Variants in ELMO1 observed in about 807,000 individuals in gnomAD.
ELMO1 encodes engulfment and cell motility 1.
Under a neutral mutation model 98.9 loss-of-function variants are expected in ELMO1, and 26 were observed. The observed-to-expected ratio is 0.26, with a 90% CI of 0.19 to 0.36. The LOEUF is 0.36. Ranked by LOEUF, ELMO1 falls within the 10% of genes least tolerant of loss-of-function variation. The pLI is 1.00. For missense variants in ELMO1, 627 were observed against 935.2 expected (o/e 0.67, Z 4.30); for synonymous variants, 346 against 346.0 (o/e 1.00, Z 0.00).
intron 1 of ELMO1, among the ~76,000 whole-genome samples, chr7:37,375,068 G>A (rs992850396): frequency 3.9e-5 from 6 of 152,002 alleles, no homozygotes; most frequent in African/African-American, 1.4e-4. Flanking sequence ...AAAAAAAGAA[G>A]AAAAGAAAGA....
At chr7:36,988,359 G>T (rs142285363) in intron 16 of ELMO1, among the ~76,000 whole-genome samples, 238 of 152,250 alleles carry the variant, frequency 1.6e-3, no homozygotes, top group African/African-American at 5.3e-3. Context: ...CAAATCCTCA[G>T]TTTATGCCAA....
intron 4 of ELMO1, among the ~76,000 whole-genome samples, chr7:37,274,156 T>C (rs556376471): frequency 2.0e-5 from 3 of 152,318 alleles, no homozygotes; most frequent in East Asian, 1.9e-4. Flanking sequence ...CAGGCTGAGA[T>C]AGGAGCTGGG....
intron 16 of ELMO1, among the ~76,000 whole-genome samples, chr7:36,939,826 G>A (rs1371880250): frequency 6.6e-6 from 1 of 152,220 alleles, no homozygotes; most frequent in Non-Finnish European, 1.5e-5. Flanking sequence ...CTGGCCGGAG[G>A]CATGCGTGGA....
At chr7:37,399,182 C>G (rs1803419954) in intron 1 of ELMO1, among the ~76,000 whole-genome samples, 1 of 152,186 alleles carries the variant, frequency 6.6e-6, no homozygotes, top group Non-Finnish European at 1.5e-5. Context: ...CCTGCCCAGG[C>G]TCTGCCAGGA....
intron 13 of ELMO1, among the ~76,000 whole-genome samples, chr7:37,190,165 A>T (rs1791480474): frequency 6.6e-6 from 1 of 152,234 alleles, no homozygotes; most frequent in African/African-American, 2.4e-5. Context: ...AGTGATAAAA[A>T]GTTTAGGAAG....
At chr7:37,010,580 A>G (rs932916274) in intron 16 of ELMO1, among the ~76,000 whole-genome samples, 11 of 152,358 alleles carry the variant, frequency 7.2e-5, no homozygotes, top group Non-Finnish European at 1.5e-4. Flanking sequence ...GAAGGACATA[A>G]GCCAAGGAAT....
intron 1 of ELMO1, among the ~76,000 whole-genome samples, chr7:37,370,538 A>C (rs1334285429): frequency 6.6e-6 from 1 of 152,224 alleles, no homozygotes; most frequent in East Asian, 1.9e-4. Context: ...GATAATGAAC[A>C]AAGATTTAGT....
Position 36,853,909 on chromosome 7 carries a change from C to T in ELMO1, c.*1642G>A, listed in dbSNP as rs1417610514. On this transcript the variant is annotated 3_prime_UTR_variant, in exon 22 of 22. Coordinates refer to ENST00000310758, the MANE Select transcript of ELMO1 (RefSeq NM_014800.11). The stretch of plus-strand genomic sequence containing the variant: ...CTCTGACCTATAATTTATTAACCCA[C>T]GGTTAGATTTATTTAGTTCTGGCTT... 1.3e-5 allele frequency among the ~76,000 whole-genome samples: 2 copies of T among 152,138 alleles called. No individual in the cohort carries two copies. The highest frequency in any genetic ancestry group is 1.9e-4 in the East Asian group (1 of 5,196).
intron 15 of ELMO1, among the ~76,000 whole-genome samples, chr7:37,025,097 T>C (rs1794492067): frequency 6.6e-6 from 1 of 152,172 alleles, no homozygotes; most frequent in African/African-American, 2.4e-5. Context: ...TTGAAAACAA[T>C]CAAGATGTGC....
intron 1 of ELMO1, among the ~76,000 whole-genome samples, chr7:37,448,463 C>A (rs899646471): frequency 6.6e-6 from 1 of 152,104 alleles, no homozygotes; most frequent in African/African-American, 2.4e-5. Flanking sequence ...CTGCAGAGCG[C>A]CCCGACGCGC....
At chr7:37,285,077 T>G (rs1039727584) in intron 4 of ELMO1, among the ~76,000 whole-genome samples, 1 of 152,216 alleles carries the variant, frequency 6.6e-6, no homozygotes, top group African/African-American at 2.4e-5. Flanking sequence ...ACGTCTATAG[T>G]GCTGCACAGC....
chr7:36,932,305 C>T (rs374927973), intron 16 of ELMO1, among the ~76,000 whole-genome samples: 147 of 152,204 alleles, frequency 9.7e-4, no homozygotes, highest in African/African-American at 3.3e-3. Flanking sequence ...AAAATCAATT[C>T]AGGACTGGGC....
chr7:37,322,920 G>T (rs764777856), intron 2 of ELMO1, among the ~76,000 whole-genome samples: 4 of 152,082 alleles, frequency 2.6e-5, no homozygotes, highest in African/African-American at 4.8e-5. Context: ...TTTTTGTTTG[G>T]ATGATCAAAA....
intron 16 of ELMO1, among the ~76,000 whole-genome samples, chr7:36,939,480 C>G (rs1434419999): frequency 6.6e-6 from 1 of 152,196 alleles, no homozygotes; most frequent in African/African-American, 2.4e-5. Flanking sequence ...CCCGCAGGCT[C>G]TGTGTGTTTC....
intron 16 of ELMO1, among the ~76,000 whole-genome samples, chr7:36,911,815 A>G (rs1393278198): frequency 1.3e-5 from 2 of 152,102 alleles, no homozygotes; most frequent in Non-Finnish European, 2.9e-5. Context: ...ACTCTCAGCT[A>G]TTTGTCTTTA....
intron 13 of ELMO1, among the ~76,000 whole-genome samples, chr7:37,168,056 C>G (rs1789851604): frequency 6.6e-6 from 1 of 150,986 alleles, no homozygotes. Flanking sequence ...TCTTTTTTCT[C>G]TAAACTTCCC....
chr7:36,898,623 C>T (rs1283390832), intron 16 of ELMO1, among the ~76,000 whole-genome samples: 1 of 152,226 alleles, frequency 6.6e-6, no homozygotes, highest in African/African-American at 2.4e-5. Context: ...GTCCCCTGCT[C>T]TCACTGTTGG....
rs1786179135 is a variant in ELMO1 at position 37,122,924 on chromosome 7, T to C, written c.1191+10206A>G. ...AGCAAATGTAAAAGAACATAAATTA[T>C]AACAAACTGTCTCTCAGACCACAGT... On this transcript the variant is annotated intron_variant, in intron 14 of 21. Transcript: ENST00000310758. 3.3e-5 allele frequency among the ~76,000 whole-genome samples: 5 copies of C among 152,164 alleles called. No individual in the cohort carries two copies. In the South Asian group the frequency reaches 8.3e-4, roughly 25 times the overall value.
chr7:37,034,986 T>A (rs1437495390), intron 15 of ELMO1, among the ~76,000 whole-genome samples: 1 of 152,188 alleles, frequency 6.6e-6, no homozygotes, highest in African/African-American at 2.4e-5. Context: ...GCCCTGATCA[T>A]AAACCCAAAT....
Sources: allele counts gnomAD v4.1 joint callset (sites outside exome capture counted in the v4.1 genomes callset), GRCh38; gene constraint gnomAD v4.1.1; transcripts MANE v1.5; gene names NCBI Gene and HGNC (gene_info 2026-07-23, HGNC 2026-07-21).